Variants in ANKFN1 observed in about 807,000 individuals in gnomAD.
ANKFN1 encodes the protein ankyrin repeat and fibronectin type-III domain-containing protein 1.
ANKFN1 carries 74 observed loss-of-function variants against 108.7 expected under a neutral mutation model. That is an observed-to-expected ratio of 0.68 (90% confidence interval 0.56 to 0.83). The LOEUF is 0.83. ANKFN1 is among the 40% of genes least tolerant of loss of function. The probability of loss-of-function intolerance (pLI) is 0.00; values close to 1 mark genes in which losing one functional copy is unlikely to be tolerated. For synonymous variants in ANKFN1, 547 were observed against 516.2 expected (o/e 1.06, Z -0.81); for missense variants, 1,505 against 1,382.3 (o/e 1.09, Z -1.41).
At chr17:56,380,641 C>G (rs1223674594) in intron 8 of ANKFN1, among the ~76,000 whole-genome samples, 1 of 152,226 alleles carries the variant, frequency 6.6e-6, no homozygotes, top group Non-Finnish European at 1.5e-5. Flanking sequence ...ATATCCCACA[C>G]ATGGCTCAGA....
chr17:56,250,680 T>C (rs939336864), intron 3 of ANKFN1, among the ~76,000 whole-genome samples: 1 of 152,212 alleles, frequency 6.6e-6, no homozygotes, highest in Non-Finnish European at 1.5e-5. Context: ...CAACAGTTGA[T>C]TAGGAAATAT....
At chr17:56,494,282 G>A (rs1391254620) in intron 19 of ANKFN1, among the ~76,000 whole-genome samples, 1 of 152,156 alleles carries the variant, frequency 6.6e-6, no homozygotes, top group East Asian at 1.9e-4. Flanking sequence ...GTCTGAGAAT[G>A]TAGAATTTAA....
At chr17:56,069,626 C>T (rs555041473) in intron 4 of ANKFN1, among the ~76,000 whole-genome samples, 1 of 152,186 alleles carries the variant, frequency 6.6e-6, no homozygotes, top group South Asian at 2.1e-4. Flanking sequence ...AACTAGGTGG[C>T]TTAGAAAACA....
At chr17:56,480,641 C>G in intron 16 of ANKFN1, 27 bp from the exon 17 acceptor site, 1 of 1,610,360 alleles carries the variant, frequency 6.2e-7, no homozygotes, top group Non-Finnish European at 8.5e-7. Flanking sequence ...TGTTATATTT[C>G]TAATTTTAAC....
intron 4 of ANKFN1, among the ~76,000 whole-genome samples, chr17:56,049,399 T>TTA (rs1283143425): frequency 3.3e-5 from 5 of 151,782 alleles, no homozygotes; most frequent in Non-Finnish European, 5.9e-5. Context: ...AAATGATTTT[T>TTA]TTTTATTATA....
chr17:56,068,831 G>A (rs1905090405), intron 4 of ANKFN1, among the ~76,000 whole-genome samples: 1 of 152,082 alleles, frequency 6.6e-6, no homozygotes, highest in South Asian at 2.1e-4. Flanking sequence ...AAAATACCTG[G>A]TAGAGAGTAG....
chr17:56,283,992 T>TA (rs1190561343), intron 3 of ANKFN1, among the ~76,000 whole-genome samples: 3 of 152,200 alleles, frequency 2.0e-5, no homozygotes, highest in African/African-American at 7.2e-5. Context: ...AAAGACTGAC[T>TA]AGGTTATGGT....
intron 4 of ANKFN1, among the ~76,000 whole-genome samples, chr17:56,106,063 C>T (rs1905747088): frequency 6.6e-6 from 1 of 152,170 alleles, no homozygotes; most frequent in African/African-American, 2.4e-5. Flanking sequence ...CTGTCATCCA[C>T]TGAGTATTTA....
chr17:56,249,503 C>A (rs1298310724), intron 3 of ANKFN1, among the ~76,000 whole-genome samples: 1 of 151,726 alleles, frequency 6.6e-6, no homozygotes, highest in Non-Finnish European at 1.5e-5. Context: ...AATAAAAATC[C>A]CAACAGGATT....
At position 56,515,637 on chromosome 17, in the gene ANKFN1, T is replaced by C. The variant is rs1396856130; in HGVS notation, c.*4368T>C. 6.6e-6 allele frequency among the ~76,000 whole-genome samples: 1 copy of C among 152,246 alleles called. No individual in the cohort carries two copies. Among genetic ancestry groups the C allele is most frequent in the African/African-American group, 2.4e-5 (1 of 41,472 alleles). ...CCATGTTGTACCACTTGGAAACTTA[T>C]TCTAAGATCTTAATTCAGACTTTTT... On this transcript the variant is annotated 3_prime_UTR_variant, in exon 21 of 21. Transcript: ENST00000682825.
At chr17:56,231,216 T>C (rs771576731) in intron 3 of ANKFN1, among the ~76,000 whole-genome samples, 68 of 152,276 alleles carry the variant, frequency 4.5e-4, no homozygotes, top group Admixed American at 7.9e-4. Flanking sequence ...CTTGGCCTCT[T>C]CTAGAGGGAT....
At chr17:56,428,663 A>G (rs918595576) in intron 8 of ANKFN1, among the ~76,000 whole-genome samples, 1 of 151,958 alleles carries the variant, frequency 6.6e-6, no homozygotes, top group African/African-American at 2.4e-5. Context: ...CGGTTTCACC[A>G]TATTGGTCAG....
At chr17:56,151,047 C>A (rs1908573101), upstream of ANKFN1, among the ~76,000 whole-genome samples, 2 of 152,106 alleles carry the variant, frequency 1.3e-5, no homozygotes, top group African/African-American at 4.8e-5. Context: ...ACATGGGGAG[C>A]CCACTAGGGA....
intron 3 of ANKFN1, among the ~76,000 whole-genome samples, chr17:56,241,790 G>A (rs1488166853): frequency 2.0e-5 from 3 of 151,990 alleles, no homozygotes; most frequent in East Asian, 1.9e-4. Context: ...CTGCTTTGGG[G>A]CCATTATTAA....
intron 3 of ANKFN1, among the ~76,000 whole-genome samples, chr17:56,233,732 T>G (rs1197973210): frequency 2.0e-5 from 3 of 151,880 alleles, no homozygotes; most frequent in Non-Finnish European, 4.4e-5. Flanking sequence ...GTGTGTACAT[T>G]ATATATTATA....
Position 56,071,658 on chromosome 17 carries a change from CT to C in ANKFN1, c.288+25334del, listed in dbSNP as rs1905122799. Among the ~76,000 whole-genome samples, 19 of 152,258 alleles carry C rather than the reference CT, an allele frequency of 1.2e-4. No homozygotes were observed. In the South Asian group the frequency reaches 3.9e-3, roughly 32 times the overall value. On this transcript the variant is annotated intron_variant, in intron 4 of 12. Transcript: ENST00000635860. ...TTTGTTTGTTTTTATAAAAGGATAT[CT>C]ATTACAACAAAAACATTATATCCAT...
chr17:56,470,382 G>A (rs1207626986), intron 15 of ANKFN1, among the ~76,000 whole-genome samples: 7 of 152,142 alleles, frequency 4.6e-5, no homozygotes, highest in Non-Finnish European at 7.4e-5. Flanking sequence ...CCACATTATT[G>A]AACTAATTTA....
At chr17:56,381,048 A>G (rs970369196) in intron 8 of ANKFN1, among the ~76,000 whole-genome samples, 1 of 152,220 alleles carries the variant, frequency 6.6e-6, no homozygotes, top group Non-Finnish European at 1.5e-5. Flanking sequence ...CAGTAGCGGC[A>G]GACTGACACC....
chr17:56,108,751 G>T (rs983032813), intron 4 of ANKFN1, among the ~76,000 whole-genome samples: 7 of 152,170 alleles, frequency 4.6e-5, no homozygotes, highest in African/African-American at 1.7e-4. Context: ...TAGGAAGAAG[G>T]TTTTTTATTT....
Sources: gnomAD v4.1 joint callset for allele counts (sites outside exome capture counted in the v4.1 genomes callset) on GRCh38, gnomAD v4.1.1 for gene constraint, MANE v1.5 for transcripts, NCBI Gene and HGNC (gene_info 2026-07-23, HGNC 2026-07-21) for gene names.